Variants in UNC5D observed in about 807,000 individuals in gnomAD.
UNC5D encodes netrin receptor UNC5D.
Under a neutral mutation model 105.4 loss-of-function variants are expected in UNC5D, and 39 were observed. That is an observed-to-expected ratio of 0.37 (90% CI 0.29 to 0.48). The LOEUF is 0.48. UNC5D is among the 20% of genes least tolerant of loss of function. The probability of loss-of-function intolerance (pLI) is 0.98; values close to 1 mark genes in which losing one functional copy is unlikely to be tolerated. For missense variants in UNC5D, 991 were observed against 1,202.4 expected, an observed-to-expected ratio of 0.82 and a Z score of 2.60; for synonymous variants, 452 against 450.4, an observed-to-expected ratio of 1.00 and a Z score of -0.04.
At chr8:35,360,417 C>T (rs542636037) in intron 1 of UNC5D, among the ~76,000 whole-genome samples, 15 of 152,224 alleles carry the variant, frequency 9.9e-5, no homozygotes, top group African/African-American at 3.4e-4. Context: ...GCAGCTTTTG[C>T]GAACTTCATT....
At chr8:35,731,395 T>C (rs1476808193) in intron 11 of UNC5D, among the ~76,000 whole-genome samples, 5 of 89,760 alleles carry the variant, frequency 5.6e-5, no homozygotes, top group South Asian at 3.8e-4. Flanking sequence ...TGAGACTCTG[T>C]CTCCAAAAAA....
Position 35,568,156 on chromosome 8 carries a change from T to C in UNC5D, c.381T>C (p.His127=). Residue 127 remains histidine (H), a synonymous_variant, in exon 3 of 17, where the codon CAT becomes CAC. Transcript: ENST00000404895. ...CTAGGCAACAGGTGGAGGACTTCCA[T>C]GGGCCCGAGGACTATTGGTGCCAGT... ...NVTRQQVEDF[H]GPEDYWCQCV... The C allele has an allele frequency of 6.2e-7, 1 of 1,614,216 alleles. No homozygotes were observed. The highest frequency in any genetic ancestry group is 8.5e-7 in the Non-Finnish European group (1 of 1,180,038).
chr8:35,768,767 G>A (rs1474892836), intron 15 of UNC5D, among the ~76,000 whole-genome samples: 2 of 152,126 alleles, frequency 1.3e-5, no homozygotes, highest in Non-Finnish European at 2.9e-5. Flanking sequence ...CTTTTCTAAT[G>A]CTTCACAAGT....
At position 35,507,388 on chromosome 8, in the gene UNC5D, C is replaced by T. The variant is rs1399542145; in HGVS notation, c.104-41904C>T. ...TCTTATCAGTTCCTCTACACAGACC[C>T]ACGATATGGCTGAAATACTGTGGTT... is the stretch of plus-strand genomic sequence containing the variant. On this transcript the variant is annotated intron_variant, in intron 1 of 16. Transcript: ENST00000404895. 5.3e-5 allele frequency among the ~76,000 whole-genome samples: 8 copies of T among 152,182 alleles called. No homozygotes were observed. In the East Asian group the frequency reaches 1.4e-3, roughly 26 times the overall value.
chr8:35,390,356 A>T (rs1222838122), intron 1 of UNC5D, among the ~76,000 whole-genome samples: 1 of 152,156 alleles, frequency 6.6e-6, no homozygotes, highest in Non-Finnish European at 1.5e-5. Flanking sequence ...TAGGCTCTGG[A>T]TATATAGTAG....
Position 35,411,660 on chromosome 8 carries a change from T to C in UNC5D, c.104-137632T>C, listed in dbSNP as rs529136960. Among the ~76,000 whole-genome samples, 9 of 152,218 alleles carry C rather than the reference T, an allele frequency of 5.9e-5. No homozygotes were observed. The South Asian group carries it at 1.7e-3, about 28-fold the overall frequency. ...TACCTGTAAACCACAACCTCATCAT[T>C]CTTAATTCCTTTAACTAACTTTATT... On this transcript the variant is annotated intron_variant, in intron 1 of 16. Transcript: ENST00000404895.
At chr8:35,506,667 G>A (rs1284693481) in intron 1 of UNC5D, among the ~76,000 whole-genome samples, 1 of 152,212 alleles carries the variant, frequency 6.6e-6, no homozygotes, top group East Asian at 1.9e-4. Context: ...ATGATTCATG[G>A]ACTTTTTGCT....
chr8:35,649,090 T>A (rs1235999989), intron 4 of UNC5D, among the ~76,000 whole-genome samples: 1 of 152,170 alleles, frequency 6.6e-6, no homozygotes, highest in South Asian at 2.1e-4. Flanking sequence ...AAGAAAAAAT[T>A]AAAAGATTCC....
intron 4 of UNC5D, among the ~76,000 whole-genome samples, chr8:35,596,349 A>C (rs972957568): frequency 2.6e-5 from 4 of 152,168 alleles, no homozygotes; most frequent in African/African-American, 9.7e-5. Flanking sequence ...TTTTATTCAC[A>C]ATGAAAAGAT....
intron 1 of UNC5D, among the ~76,000 whole-genome samples, chr8:35,307,733 G>T (rs1490221149): frequency 6.6e-6 from 1 of 152,124 alleles, no homozygotes; most frequent in Non-Finnish European, 1.5e-5. Flanking sequence ...CAGTCTTTTG[G>T]GTAGGTGAGG....
At chr8:35,284,440 C>T (rs935839859) in intron 1 of UNC5D, among the ~76,000 whole-genome samples, 1 of 152,214 alleles carries the variant, frequency 6.6e-6, no homozygotes, top group Non-Finnish European at 1.5e-5. Context: ...AGATACATTA[C>T]CTCCTGACAA....
intron 1 of UNC5D, among the ~76,000 whole-genome samples, chr8:35,483,607 A>G (rs1223634141): frequency 6.6e-6 from 1 of 152,178 alleles, no homozygotes; most frequent in Non-Finnish European, 1.5e-5. Context: ...ACTTCTACAT[A>G]GTAGTATGGT....
chr8:35,375,270 T>TA (rs1802633331), intron 1 of UNC5D, among the ~76,000 whole-genome samples: 2 of 152,188 alleles, frequency 1.3e-5, no homozygotes, highest in South Asian at 2.1e-4. Flanking sequence ...GTAATTGAAC[T>TA]AAAAAATGTC....
intron 8 of UNC5D, among the ~76,000 whole-genome samples, chr8:35,719,139 TATACAC>T (rs1216637414): frequency 4.5e-5 from 3 of 67,248 alleles, no homozygotes; most frequent in South Asian, 1.1e-3. Flanking sequence ...CACATGTGCT[TATACAC>T]ACACACACAC....
At chr8:35,527,793 A>G (rs577152094) in intron 1 of UNC5D, among the ~76,000 whole-genome samples, 18 of 152,104 alleles carry the variant, frequency 1.2e-4, no homozygotes, top group Non-Finnish European at 2.4e-4. Context: ...TCTGCCCTCA[A>G]TGTACTGGGA....
chr8:35,703,492 G>A (rs1563685469), intron 7 of UNC5D, among the ~76,000 whole-genome samples: 2 of 152,164 alleles, frequency 1.3e-5, no homozygotes, highest in Non-Finnish European at 2.9e-5. Context: ...AGGGGGAAGT[G>A]CCGCACTCAT....
chr8:35,507,021 C>CT (rs1018902908), intron 1 of UNC5D, among the ~76,000 whole-genome samples: 1 of 126,250 alleles, frequency 7.9e-6, no homozygotes, highest in African/African-American at 2.9e-5. Context: ...GAGGTAAGTT[C>CT]TTTTTGCAGG....
intron 1 of UNC5D, 137 bp from the exon 2 acceptor site, chr8:35,549,155 T>C: frequency 1.2e-6 from 1 of 815,498 alleles, no homozygotes; most frequent in Non-Finnish European, 1.9e-6. Context: ...TCTACACCAG[T>C]TCTACAAGCA....
chr8:35,527,703 C>A (rs533288043), intron 1 of UNC5D, among the ~76,000 whole-genome samples: 9 of 152,146 alleles, frequency 5.9e-5, no homozygotes, highest in African/African-American at 2.2e-4. Flanking sequence ...CTACCACAAC[C>A]AACTAATTTT....
Sources: allele counts gnomAD v4.1 joint callset (sites outside exome capture counted in the v4.1 genomes callset), GRCh38; gene constraint gnomAD v4.1.1; transcripts MANE v1.5; gene names NCBI Gene and HGNC (gene_info 2026-07-23, HGNC 2026-07-21).